Variants in SLC14A1 observed in about 807,000 individuals in gnomAD.
SLC14A1 encodes solute carrier family 14 member 1 (Kidd blood group).
In SLC14A1, 36 loss-of-function variants were observed where a neutral mutation model predicts 39.6. The observed-to-expected ratio is 0.91, with a 90% confidence interval of 0.70 to 1.20. The LOEUF (loss-of-function observed/expected upper bound fraction) is 1.20, where lower values mean the gene tolerates loss of function less well. Among genes scored for constraint, SLC14A1 ranks in the 50% most tolerant of loss-of-function variants. SLC14A1 has a pLI of 0.00. For missense variants in SLC14A1, 469 were observed against 478.7 expected, an observed-to-expected ratio of 0.98 and a Z score of 0.19; for synonymous variants, 164 against 173.6, an observed-to-expected ratio of 0.94 and a Z score of 0.43.
intron 5 of SLC14A1, among the ~76,000 whole-genome samples, chr18:45,735,789 G>A (rs967416316): frequency 1.4e-4 from 21 of 152,206 alleles, no homozygotes; most frequent in African/African-American, 4.6e-4. Context: ...AGGAAAATGG[G>A]AGTTCTGGTC....
chr18:45,732,031 T>C (rs528124949), intron 4 of SLC14A1, among the ~76,000 whole-genome samples: 50 of 152,334 alleles, frequency 3.3e-4, no homozygotes, highest in African/African-American at 1.2e-3. Flanking sequence ...AGAAGGGGAT[T>C]TTATAGCTTA....
chr18:45,727,852 T>C (rs1401257396), intron 2 of SLC14A1, among the ~76,000 whole-genome samples: 1 of 152,230 alleles, frequency 6.6e-6, no homozygotes, highest in African/African-American at 2.4e-5. Context: ...TATTTTAGCA[T>C]GGCAAAATTC....
At chr18:45,726,358 C>G (rs556968877) in intron 2 of SLC14A1, among the ~76,000 whole-genome samples, 4 of 152,234 alleles carry the variant, frequency 2.6e-5, no homozygotes, top group Admixed American at 2.0e-4. Flanking sequence ...ATACCACACA[C>G]ACAACTGGAA....
At position 45,744,720 on chromosome 18, in the gene SLC14A1, A is replaced by C. The variant is rs28898890; in HGVS notation, c.947-3656A>C. 1.8e-3 allele frequency among the ~76,000 whole-genome samples: 269 copies of C among 152,232 alleles called. 1 individual carries two copies. Among genetic ancestry groups the C allele is most frequent in the African/African-American group, 6.2e-3 (259 of 41,538 alleles). Reference sequence around the variant, plus strand: ...TTCCTTTAATTCTGGAAACATCATCAGTTTTTACTTTGTCAAATCTTTTCA... The same window carrying C: ...TTCCTTTAATTCTGGAAACATCATCCGTTTTTACTTTGTCAAATCTTTTCA... On this transcript the variant is annotated intron_variant, in intron 8 of 9. Coordinates refer to ENST00000321925, the MANE Select transcript of SLC14A1 (RefSeq NM_015865.7).
intron 4 of SLC14A1, 195 bp from the exon 5 acceptor site, chr18:45,734,079 A>G (rs1179280476): frequency 7.7e-6 from 5 of 649,608 alleles, no homozygotes; most frequent in Non-Finnish European, 1.0e-5. Flanking sequence ...GCACATTTAT[A>G]TTTTTATCTA....
rs537706042 is a variant in SLC14A1, at chr18:45,733,729, G to T, written c.342-545G>T. On this transcript the variant is annotated intron_variant, in intron 4 of 9. Transcript: ENST00000321925. ...GTAGAGGGAGTCATTCTCTATCAGGGGTCCCCAACCCCTGCACTGGAGACA... is the reference window on the plus strand; with the variant it reads ...GTAGAGGGAGTCATTCTCTATCAGGTGTCCCCAACCCCTGCACTGGAGACA... 1.2e-3 allele frequency among the ~76,000 whole-genome samples: 187 copies of T among 152,240 alleles called. 1 individual carries two copies. The highest frequency in any genetic ancestry group is 4.4e-3 in the African/African-American group (181 of 41,540).
chr18:45,735,123 G>A (rs907254682), intron 5 of SLC14A1, among the ~76,000 whole-genome samples: 2 of 152,202 alleles, frequency 1.3e-5, no homozygotes, highest in African/African-American at 4.8e-5. Context: ...TCCCTCCCAA[G>A]ACTCTACTGT....
intron 9 of SLC14A1, 89 bp downstream of exon 9, chr18:45,748,514 A>G: frequency 7.7e-7 from 1 of 1,292,528 alleles, no homozygotes; most frequent in South Asian, 1.2e-5. Context: ...CTGGGCTGGC[A>G]TCCAGTGGCA....
chr18:45,734,834 G>A (rs578194398), intron 5 of SLC14A1, among the ~76,000 whole-genome samples: 1 of 152,270 alleles, frequency 6.6e-6, no homozygotes, highest in East Asian at 1.9e-4. Context: ...GCAGGAGGAG[G>A]ACAAACAGTT....
intron 8 of SLC14A1, among the ~76,000 whole-genome samples, chr18:45,740,345 A>T (rs1417853907): frequency 6.6e-6 from 1 of 152,166 alleles, no homozygotes; most frequent in African/African-American, 2.4e-5. Context: ...AATGCATCAG[A>T]ATCACCTGAA....
At chr18:45,734,622 C>G (rs1162645007) in intron 5 of SLC14A1, among the ~76,000 whole-genome samples, 3 of 152,126 alleles carry the variant, frequency 2.0e-5, no homozygotes, top group Admixed American at 6.6e-5. Flanking sequence ...TGTTTGTAGT[C>G]CAAACTATTC....
chr18:45,743,280 A>T (rs779804714), intron 8 of SLC14A1, among the ~76,000 whole-genome samples: 2 of 152,240 alleles, frequency 1.3e-5, no homozygotes, highest in Non-Finnish European at 2.9e-5. Flanking sequence ...CTTTAACTTA[A>T]TCACAGCTGC....
intron 1 of SLC14A1, among the ~76,000 whole-genome samples, chr18:45,724,700 G>T (rs536019452): frequency 3.9e-5 from 6 of 152,334 alleles, no homozygotes; most frequent in South Asian, 4.1e-4. Flanking sequence ...GGGCCACTGG[G>T]AATGGCCCTT....
At chr18:45,746,043 G>A (rs2047535070) in intron 8 of SLC14A1, among the ~76,000 whole-genome samples, 2 of 152,214 alleles carry the variant, frequency 1.3e-5, no homozygotes, top group South Asian at 2.1e-4. Context: ...GACAGAACCT[G>A]GCACTGCTGT....
At chr18:45,743,577 C>G (rs1189909996) in intron 8 of SLC14A1, among the ~76,000 whole-genome samples, 1 of 152,144 alleles carries the variant, frequency 6.6e-6, no homozygotes, top group Non-Finnish European at 1.5e-5. Context: ...CTCAGTTTCC[C>G]CATCTTAGAA....
chr18:45,739,035 A>T, intron 6 of SLC14A1, 128 bp from the exon 7 acceptor site: 2 of 990,002 alleles, frequency 2.0e-6, no homozygotes, highest in Non-Finnish European at 3.3e-6. Context: ...TTTAAATGGT[A>T]TTAACACTGT....
intron 6 of SLC14A1, chr18:45,737,684 C>G (rs1265957117): frequency 6.6e-6 from 1 of 152,224 alleles, no homozygotes; most frequent in Non-Finnish European, 1.5e-5. Flanking sequence ...CGATCTAGAA[C>G]TGCACTAACA....
At position 45,750,184 on chromosome 18, in the gene SLC14A1, T is replaced by A. The variant is rs1599336279; in HGVS notation, c.*233T>A. 1 of 1,421,982 alleles carries A rather than the reference T, an allele frequency of 7.0e-7. No individual in the cohort carries two copies. The highest frequency in any genetic ancestry group is 2.9e-5 in the Admixed American group (1 of 34,946). The allele number at this position is 1,421,982 out of a possible 1,614,324, so 88.1% of individuals were successfully genotyped here. On this transcript the variant is annotated 3_prime_UTR_variant, in exon 10 of 10. Transcript: ENST00000321925. ...TCTGGTATGGAATTTGAAACCCCAA[T>A]GGGGCCTTGGCACTAAGACTGGAAT...
rs557770622 is a variant in SLC14A1 at position 45,752,375 on chromosome 18, G to A, written c.*2424G>A. The A allele has an allele frequency of 4.6e-5, 13 of 284,180 alleles. No individual in the cohort carries two copies. The highest frequency in any genetic ancestry group is 1.8e-3 in the Middle Eastern group (1 of 566). The allele number at this position is 284,180 out of a possible 1,614,324, so 17.6% of individuals were successfully genotyped here. On this transcript the variant is annotated 3_prime_UTR_variant, in exon 10 of 10. Transcript: ENST00000321925. ...GTAAATGGGAACATTGTACATTGTC[G>A]AATTTAAATGATATTAATTTTCTCA...
Sources: allele counts gnomAD v4.1 joint callset (sites outside exome capture counted in the v4.1 genomes callset), GRCh38; gene constraint gnomAD v4.1.1; transcripts MANE v1.5; gene names NCBI Gene and HGNC (gene_info 2026-07-23, HGNC 2026-07-21).